Variants in IFT140 observed in about 807,000 individuals in gnomAD.
The protein encoded by IFT140 is intraflagellar transport protein 140 homolog.
In IFT140, 133 loss-of-function variants were observed where a neutral mutation model predicts 164.6. That is an observed-to-expected ratio of 0.81 (90% CI 0.70 to 0.93). The LOEUF (loss-of-function observed/expected upper bound fraction) is 0.93. IFT140 is among the 40% of genes least tolerant of loss of function. The pLI, the probability that IFT140 is intolerant of heterozygous loss-of-function variation, is 0.00. For missense variants in IFT140, 2,045 were observed against 1,972.3 expected (o/e 1.04, Z -0.70); for synonymous variants, 860 against 817.3 (o/e 1.05, Z -0.89).
intron 19 of IFT140, chr16:1,541,167 G>A (rs1411992734): frequency 1.4e-5 from 14 of 985,320 alleles, no homozygotes; most frequent in Non-Finnish European, 1.7e-5. Flanking sequence ...CCAGGTGTAG[G>A]TGGGGGACAG....
intron 27 of IFT140, 22 bp downstream of exon 27, chr16:1,520,580 G>A (rs2040494508): frequency 1.3e-6 from 2 of 1,551,214 alleles, no homozygotes; most frequent in Non-Finnish European, 1.7e-6. Context: ...GTAGCCGCGG[G>A]CTGGGGCCGG....
chr16:1,553,887 T>C lies in IFT140; in HGVS notation c.2399+4048A>G, dbSNP rs148795935. 560 of 1,263,502 alleles carry C rather than the reference T, an allele frequency of 4.4e-4. 5 individuals are homozygous for C. The African/African-American group carries it at 8.0e-3, about 18-fold the overall frequency. 78.3% of individuals were successfully genotyped at this position (1,263,502 alleles called of 1,614,324 possible). ...TTGGTAGACTCTAGTCACGAAACCC[T>C]GATTTTCCTGTTGTAAGAACTAAAA... On this transcript the variant is annotated intron_variant, in intron 19 of 30. Coordinates refer to ENST00000426508, the MANE Select transcript of IFT140 (RefSeq NM_014714.4). This position sits in a 1 kb window ranked among gnomAD's most constrained non-coding sequence, Gnocchi z 4.4.
chr16:1,525,361 C>A (rs772986259), intron 21 of IFT140, 35 bp from the exon 22 acceptor site: 3 of 1,520,806 alleles, frequency 2.0e-6, no homozygotes, highest in East Asian at 4.5e-5. Flanking sequence ...CTCGTTCCCT[C>A]CCATCCCAGC....
At chr16:1,555,104 G>C in intron 19 of IFT140, 2 of 1,523,646 alleles carry the variant, frequency 1.3e-6, no homozygotes, top group Non-Finnish European at 1.8e-6. Flanking sequence ...CCACCACCAA[G>C]TCACTTCCCC....
chr16:1,583,212 C>T (rs2034671493), intron 12 of IFT140, 102 bp downstream of exon 12: 10 of 1,025,834 alleles, frequency 9.7e-6, no homozygotes, highest in Admixed American at 1.9e-5. Flanking sequence ...CTCCCCAGCC[C>T]CTGTGCCAGC....
chr16:1,580,776 G>A lies in IFT140; in HGVS notation c.1507C>T (p.Gln503Ter). 6.2e-7 allele frequency: 1 copy of A among 1,613,560 alleles called. No homozygotes were observed. Among genetic ancestry groups the A allele is most frequent in the Non-Finnish European group, 8.5e-7 (1 of 1,179,528 alleles). Residue 503 changes from glutamine (Q) to a stop codon, truncating the protein, a stop_gained, in exon 13 of 31, where the codon CAA becomes TAA. Transcript: ENST00000426508. LOFTEE classifies it high-confidence loss of function. ...CAACTTACCTGCCAGGTTCGAACTTGAACTCGGTTTGACTCCACCGTGTAA... is the reference window on the plus strand; with the variant it reads ...CAACTTACCTGCCAGGTTCGAACTTAAACTCGGTTTGACTCCACCGTGTAA... ...NVYTVESNRV[Q>*]VRTWQGTVKQ...
At chr16:1,589,898 A>G (rs1021796309) in intron 6 of IFT140, 118 bp from the exon 7 acceptor site, 4 of 946,558 alleles carry the variant, frequency 4.2e-6, no homozygotes, top group African/African-American at 3.3e-5. Flanking sequence ...CATCTTCAGT[A>G]TAAGAACTTA....
intron 19 of IFT140, chr16:1,534,284 G>A: frequency 6.2e-7 from 1 of 1,612,098 alleles, no homozygotes. Context: ...CGATGACCGT[G>A]CAGAGACTCG....
At chr16:1,549,683 C>T (rs1186520865) in intron 19 of IFT140, among the ~76,000 whole-genome samples, 7 of 152,102 alleles carry the variant, frequency 4.6e-5, no homozygotes, top group Non-Finnish European at 7.4e-5. Flanking sequence ...CCACCTGCCT[C>T]GGCCTCCCAA....
chr16:1,609,744 T>C (rs2036247170), intron 2 of IFT140, among the ~76,000 whole-genome samples: 2 of 152,192 alleles, frequency 1.3e-5, no homozygotes, highest in African/African-American at 2.4e-5. Flanking sequence ...AAAATGAGTA[T>C]TATCAGTATA....
In IFT140 at chr16:1,526,082, G is replaced by A. The variant is rs1424603421; in HGVS notation, c.2578-5C>T. On this transcript the variant is annotated splice_region_variant and splice_polypyrimidine_tract_variant and intron_variant, in intron 20 of 30. Transcript: ENST00000426508. Reference sequence around the variant, plus strand: ...GTACAGCTGCTCGGCGTCCTCCTGAGGAATGAGGATGGGCAGGTGTCGTGC... The same window carrying A: ...GTACAGCTGCTCGGCGTCCTCCTGAAGAATGAGGATGGGCAGGTGTCGTGC... The A allele has an allele frequency of 1.9e-6, 3 of 1,577,530 alleles. No homozygotes were observed. The highest frequency in any genetic ancestry group is 2.7e-5 in the African/African-American group (2 of 74,030).
intron 9 of IFT140, 142 bp from the exon 10 acceptor site, chr16:1,586,417 T>C (rs2034882853): frequency 2.4e-6 from 2 of 817,178 alleles, no homozygotes; most frequent in Non-Finnish European, 3.8e-6. Flanking sequence ...TGGCTGCATC[T>C]TTCTGCCCAG....
chr16:1,516,043 G>A (rs1175828026), intron 30 of IFT140, among the ~76,000 whole-genome samples: 4 of 150,844 alleles, frequency 2.7e-5, no homozygotes, highest in Admixed American at 6.7e-5. Flanking sequence ...CGGAGGCTGA[G>A]GCAGGAGAAT....
rs900954804 is a variant in IFT140, at chr16:1,564,192, C to A, written c.1902-30G>T. ...AAGACAAAGGAAGACCCGTTTCAACCCCAGGGCGGGCACTCCTGCTACCAG... is the reference window on the plus strand; with the variant it reads ...AAGACAAAGGAAGACCCGTTTCAACACCAGGGCGGGCACTCCTGCTACCAG... On this transcript the variant is annotated intron_variant, in intron 16 of 30. Coordinates refer to ENST00000426508, the MANE Select transcript of IFT140 (RefSeq NM_014714.4). The surrounding 1 kb of genome is among the most constrained non-coding windows in gnomAD (Gnocchi z 5.5). 3.3e-6 allele frequency: 5 copies of A among 1,531,466 alleles called. No homozygotes were observed. Among genetic ancestry groups the A allele is most frequent in the Non-Finnish European group, 4.4e-6 (5 of 1,129,048 alleles). The allele number at this position is 1,531,466 out of a possible 1,614,324, so 94.9% of individuals were successfully genotyped here. A position where few individuals can be genotyped will look rare whatever the true frequency, so the allele number is the denominator to read the frequency against.
In IFT140 at chr16:1,592,462, C is replaced by T. The variant is rs1237209361; in HGVS notation, c.491+5G>A. 1.2e-6 allele frequency: 2 copies of T among 1,613,998 alleles called. No individual in the cohort carries two copies. Among genetic ancestry groups the T allele is most frequent in the Non-Finnish European group, 1.7e-6 (2 of 1,179,908 alleles). On this transcript the variant is annotated splice_donor_5th_base_variant and intron_variant, in intron 5 of 30. Transcript: ENST00000426508. ...CACAGGTCACAGGGCAAGCCCCACA[C>T]TTACTCGCCAGGAGGGGGGAGCCGG...
chr16:1,578,780 T>C (rs1359817808), intron 13 of IFT140, among the ~76,000 whole-genome samples: 2 of 152,122 alleles, frequency 1.3e-5, no homozygotes, highest in African/African-American at 4.8e-5. Context: ...GGTGCAATCA[T>C]AGCTTACCGA....
chr16:1,551,695 G>A lies in IFT140; in HGVS notation c.2399+6240C>T, dbSNP rs1460983351. 6.6e-6 allele frequency among the ~76,000 whole-genome samples: 1 copy of A among 152,204 alleles called. No homozygotes were observed. The highest frequency in any genetic ancestry group is 2.4e-5 in the African/African-American group (1 of 41,440). On this transcript the variant is annotated intron_variant, in intron 19 of 30. Coordinates refer to ENST00000426508, the MANE Select transcript of IFT140 (RefSeq NM_014714.4). This position sits in a 1 kb window ranked among gnomAD's most constrained non-coding sequence, Gnocchi z 4.0. ...CATGCTTGTTCACGGAAGAGCCTAAGATCAGCGGCACTTCAGTCTTCTACG... is the reference window on the plus strand; with the variant it reads ...CATGCTTGTTCACGGAAGAGCCTAAAATCAGCGGCACTTCAGTCTTCTACG...
chr16:1,592,499 C>A lies in IFT140; in HGVS notation c.459G>T (p.Thr153=), dbSNP rs61739554. The A allele has an allele frequency of 3.7e-3, 5,909 of 1,614,194 alleles. 182 individuals carry two copies. The African/African-American group carries it at 0.066, about 18-fold the overall frequency. ...GAGGGGGGAGCCGGAAGATGCAGTG[C>A]GTGAGGTGTTTCCCATACTCGTGTT... The part of the protein sequence containing the change: ...LLKHEYGKHL[T]HCIFRLPPPG... The change falls in exon 5 of 31, where the codon ACG becomes ACT. Residue 153 remains threonine (T), a synonymous_variant. Coordinates refer to ENST00000426508, the MANE Select transcript of IFT140 (RefSeq NM_014714.4).
In IFT140 at chr16:1,510,890, A is replaced by T; in HGVS notation, c.*54T>A. On this transcript the variant is annotated 3_prime_UTR_variant, in exon 31 of 31. Transcript: ENST00000426508. ...CTGGCTTTGCCACAGCTGACAAAAAAATTCCAGAAGATGCCTTTCTGCAGC... is the reference window on the plus strand; with the variant it reads ...CTGGCTTTGCCACAGCTGACAAAAATATTCCAGAAGATGCCTTTCTGCAGC... The T allele has an allele frequency of 6.5e-7, 1 of 1,538,250 alleles. No homozygotes were observed.
Sources: gnomAD v4.1 joint callset for allele counts (sites outside exome capture counted in the v4.1 genomes callset) on GRCh38, gnomAD v4.1.1 for gene constraint, Gnocchi (gnomAD v3.1) non-coding constraint, MANE v1.5 for transcripts, NCBI Gene and HGNC (gene_info 2026-07-23, HGNC 2026-07-21) for gene names.